The following ANTXR1 variants were observed in gnomAD, a reference collection of about 807,000 sequenced individuals.
The protein encoded by ANTXR1 is ANTXR cell adhesion molecule 1, also known as anthrax toxin receptor 1.
ANTXR1 carries 19 observed loss-of-function variants against 78.1 expected under a neutral mutation model. That is an observed-to-expected ratio of 0.24 (90% CI 0.17 to 0.36). The LOEUF (loss-of-function observed/expected upper bound fraction) is 0.36, where lower values mean the gene tolerates loss of function less well. ANTXR1 is among the 10% of genes least tolerant of loss of function. The probability of loss-of-function intolerance (pLI) is 1.00; values close to 1 mark genes in which losing one functional copy is unlikely to be tolerated. For missense variants in ANTXR1, 518 were observed against 718.6 expected (o/e 0.72, Z 3.19); for synonymous variants, 273 against 260.5 (o/e 1.05, Z -0.46).
intron 13 of ANTXR1, 27 bp downstream of exon 13, chr2:69,152,291 C>A (rs763080571): frequency 1.4e-4 from 221 of 1,605,354 alleles, no homozygotes; most frequent in Non-Finnish European, 1.8e-4. Flanking sequence ...TCAGGCCATG[C>A]AAGGTGAAGG....
chr2:69,222,183 T>C (rs1359965925), intron 17 of ANTXR1, among the ~76,000 whole-genome samples: 2 of 152,196 alleles, frequency 1.3e-5, no homozygotes, highest in Non-Finnish European at 2.9e-5. Context: ...CCTGTCTTCT[T>C]GTCATTCTCC....
In ANTXR1 at chr2:69,146,844, G is replaced by T. The variant is rs117925539; in HGVS notation, c.952-5325G>T. Among the ~76,000 whole-genome samples the T allele has an allele frequency of 1.7e-3, 261 of 152,360 alleles. 8 individuals are homozygous for T. The East Asian group carries it at 0.038, about 22-fold the overall frequency. On this transcript the variant is annotated intron_variant, in intron 12 of 17. Coordinates refer to ENST00000303714, the MANE Select transcript of ANTXR1 (RefSeq NM_032208.3). ...CTTAGTTCCAGAGTGGTATCTATGT[G>T]GCCCTATGGTCTCACCTGTCCTGGC...
intron 3 of ANTXR1, among the ~76,000 whole-genome samples, chr2:69,067,832 G>A (rs1670446398): frequency 6.6e-6 from 1 of 152,178 alleles, no homozygotes; most frequent in Admixed American, 6.5e-5. Context: ...GCATGGCCTT[G>A]GTGGGGGACA....
In ANTXR1 at chr2:69,136,836, A is replaced by G. The variant is rs116009846; in HGVS notation, c.951+12193A>G. Reference sequence around the variant, plus strand: ...ACAAAGAAAACTATTAGTTGGGCATAGAAGAGGTGAAAAGAGAAATAGACA... The same window carrying G: ...ACAAAGAAAACTATTAGTTGGGCATGGAAGAGGTGAAAAGAGAAATAGACA... On this transcript the variant is annotated intron_variant, in intron 12 of 17. Transcript: ENST00000303714. 3.8e-3 allele frequency among the ~76,000 whole-genome samples: 573 copies of G among 152,312 alleles called. 5 individuals are homozygous for G. The highest frequency in any genetic ancestry group is 0.013 in the African/African-American group (531 of 41,572).
intron 12 of ANTXR1, among the ~76,000 whole-genome samples, chr2:69,147,935 AGT>A (rs1673272885): frequency 6.6e-6 from 1 of 152,162 alleles, no homozygotes; most frequent in South Asian, 2.1e-4. Context: ...TTGTTAAGTA[AGT>A]TAGCATTGGA....
intron 14 of ANTXR1, among the ~76,000 whole-genome samples, chr2:69,173,367 T>C (rs1436486256): frequency 2.0e-5 from 3 of 152,204 alleles, no homozygotes; most frequent in Non-Finnish European, 2.9e-5. Context: ...GTTTCCATCT[T>C]TCAGTTCCCA....
chr2:69,074,679 G>T (rs1388559472), intron 6 of ANTXR1, among the ~76,000 whole-genome samples: 1 of 151,686 alleles, frequency 6.6e-6, no homozygotes, highest in Non-Finnish European at 1.5e-5. Flanking sequence ...CTAACATGAA[G>T]GAAAAAAAGA....
chr2:69,076,688 T>C (rs546449382), intron 7 of ANTXR1, among the ~76,000 whole-genome samples: 17 of 152,330 alleles, frequency 1.1e-4, no homozygotes, highest in Non-Finnish European at 1.5e-4. Flanking sequence ...GTAACGTTTG[T>C]TTTCTTTTTG....
At chr2:69,106,718 A>G (rs1671819033) in intron 10 of ANTXR1, among the ~76,000 whole-genome samples, 1 of 152,224 alleles carries the variant, frequency 6.6e-6, no homozygotes, top group Non-Finnish European at 1.5e-5. Context: ...CTGTGGCCCT[A>G]CAGAGGCCAT....
At chr2:69,061,690 T>C (rs546677164) in intron 3 of ANTXR1, among the ~76,000 whole-genome samples, 2 of 152,264 alleles carry the variant, frequency 1.3e-5, no homozygotes, top group Admixed American at 1.3e-4. Flanking sequence ...AGCTGTGTCA[T>C]ATAGAGAGAT....
chr2:69,094,475 C>A (rs1671336168), intron 9 of ANTXR1, among the ~76,000 whole-genome samples: 1 of 152,158 alleles, frequency 6.6e-6, no homozygotes, highest in African/African-American at 2.4e-5. Flanking sequence ...ATGGTGGGAC[C>A]AATCCCTAGA....
At chr2:69,018,739 C>T (rs759947129) in intron 1 of ANTXR1, among the ~76,000 whole-genome samples, 19 of 152,030 alleles carry the variant, frequency 1.2e-4, no homozygotes, top group Non-Finnish European at 1.8e-4. Context: ...CTGCCCTTGA[C>T]TCCCAGACCA....
chr2:69,055,095 G>C (rs550818854), intron 3 of ANTXR1, among the ~76,000 whole-genome samples: 25 of 152,282 alleles, frequency 1.6e-4, no homozygotes, highest in Admixed American at 6.5e-4. Flanking sequence ...ATTAACCTTA[G>C]TTGTTGTTAC....
intron 9 of ANTXR1, among the ~76,000 whole-genome samples, chr2:69,092,422 T>A (rs924142635): frequency 6.6e-6 from 1 of 152,246 alleles, no homozygotes; most frequent in Admixed American, 6.5e-5. Flanking sequence ...TGGTAACTAG[T>A]TATGTACATA....
chr2:69,121,753 G>A (rs10181076), intron 10 of ANTXR1, among the ~76,000 whole-genome samples: 45,339 of 152,056 alleles, frequency 0.3, 8,078 homozygotes, highest in African/African-American at 0.5. Context: ...CATTTCACCT[G>A]TAGGCCCTAC....
intron 3 of ANTXR1, among the ~76,000 whole-genome samples, chr2:69,066,466 TTTTAA>T (rs1229616776): frequency 2.0e-5 from 3 of 152,130 alleles, no homozygotes; most frequent in Admixed American, 1.3e-4. Context: ...CAGCTATTTT[TTTTAA>T]TTTAATTTTT....
intron 17 of ANTXR1, among the ~76,000 whole-genome samples, chr2:69,211,831 C>T (rs1675051795): frequency 6.6e-6 from 1 of 152,206 alleles, no homozygotes; most frequent in Non-Finnish European, 1.5e-5. Flanking sequence ...GAGTCCTGCA[C>T]AAGGCAGACT....
intron 17 of ANTXR1, among the ~76,000 whole-genome samples, chr2:69,226,790 G>A (rs1197004990): frequency 6.6e-6 from 1 of 152,158 alleles, no homozygotes; most frequent in Non-Finnish European, 1.5e-5. Context: ...TCCAGGTGCT[G>A]AAATCCCCCC....
intron 12 of ANTXR1, among the ~76,000 whole-genome samples, chr2:69,146,788 G>A (rs73934758): frequency 0.013 from 2,048 of 152,326 alleles, 59 homozygotes; most frequent in African/African-American, 0.046. Flanking sequence ...GCACAACTCC[G>A]CGAGGGGGAC....
Sources: gnomAD v4.1 joint callset for allele counts (sites outside exome capture counted in the v4.1 genomes callset) on GRCh38, gnomAD v4.1.1 for gene constraint, MANE v1.5 for transcripts, NCBI Gene and HGNC (gene_info 2026-07-23, HGNC 2026-07-21) for gene names.